The following SPAG16 variants were observed in gnomAD, a reference collection of about 807,000 sequenced individuals.
The protein encoded by SPAG16 is sperm-associated antigen 16 protein.
SPAG16 carries 86 observed loss-of-function variants against 80.4 expected under a neutral mutation model. That is an observed-to-expected ratio of 1.07 (90% CI 0.90 to 1.28). The LOEUF is 1.28. Ranked by LOEUF, SPAG16 falls within the 50% of genes most tolerant of loss-of-function variation. The pLI is 0.00. For synonymous variants in SPAG16, 294 were observed against 265.9 expected (o/e 1.11, Z -1.03); for missense variants, 870 against 765.3 (o/e 1.14, Z -1.61).
At chr2:213,388,931 G>A (rs1299310593) in intron 9 of SPAG16, among the ~76,000 whole-genome samples, 3 of 151,972 alleles carry the variant, frequency 2.0e-5, no homozygotes, top group Non-Finnish European at 4.4e-5. Flanking sequence ...CCTAAGTTTC[G>A]TATAGTCTCA....
intron 12 of SPAG16, among the ~76,000 whole-genome samples, chr2:213,962,823 G>C (rs911657511): frequency 3.3e-5 from 5 of 152,140 alleles, no homozygotes; most frequent in Non-Finnish European, 7.4e-5. Context: ...TTTAATCTAA[G>C]TTGTCTATCA....
chr2:213,678,895 A>T (rs2064236297), intron 10 of SPAG16, among the ~76,000 whole-genome samples: 1 of 152,146 alleles, frequency 6.6e-6, no homozygotes. Flanking sequence ...CATCCTGGCA[A>T]TGCTTGTGTT....
intron 7 of SPAG16, among the ~76,000 whole-genome samples, chr2:213,351,833 G>A (rs1272938416): frequency 6.6e-6 from 1 of 152,068 alleles, no homozygotes; most frequent in Non-Finnish European, 1.5e-5. Context: ...TGTTTTGAAT[G>A]TTTGAATTTT....
chr2:213,693,655 TA>T (rs1559381763), intron 10 of SPAG16, among the ~76,000 whole-genome samples: 2 of 152,224 alleles, frequency 1.3e-5, no homozygotes, highest in Non-Finnish European at 2.9e-5. Context: ...AACTAGGTAC[TA>T]AGTCAAGTCA....
At chr2:214,015,423 A>G (rs866771847) in intron 13 of SPAG16, among the ~76,000 whole-genome samples, 21 of 151,710 alleles carry the variant, frequency 1.4e-4, no homozygotes, top group Non-Finnish European at 2.5e-4. Context: ...ACATGGTGAA[A>G]CCCCATCTCT....
chr2:213,803,007 G>A (rs375026843), intron 10 of SPAG16, among the ~76,000 whole-genome samples: 6 of 152,182 alleles, frequency 3.9e-5, no homozygotes, highest in African/African-American at 9.6e-5. Flanking sequence ...GGCAGTGTAC[G>A]TAGGAATCTT....
At chr2:213,584,387 A>G (rs1163877573) in intron 10 of SPAG16, among the ~76,000 whole-genome samples, 2 of 152,180 alleles carry the variant, frequency 1.3e-5, no homozygotes, top group Non-Finnish European at 2.9e-5. Flanking sequence ...TGGGAAAACA[A>G]TGGTGACATT....
intron 10 of SPAG16, among the ~76,000 whole-genome samples, chr2:213,645,395 C>T (rs776319975): frequency 3.3e-5 from 5 of 152,144 alleles, no homozygotes; most frequent in Non-Finnish European, 4.4e-5. Context: ...GTGTCTCACC[C>T]AAAGCCCTTG....
At chr2:213,373,645 C>A (rs1162162256) in intron 8 of SPAG16, among the ~76,000 whole-genome samples, 1 of 152,064 alleles carries the variant, frequency 6.6e-6, no homozygotes, top group African/African-American at 2.4e-5. Context: ...TGCTTATATT[C>A]CTGGAATTAT....
chr2:213,375,855 G>A (rs1485029928), intron 9 of SPAG16, among the ~76,000 whole-genome samples: 1 of 151,372 alleles, frequency 6.6e-6, no homozygotes, highest in African/African-American at 2.4e-5. Flanking sequence ...TCAAATAATA[G>A]CATTTACTTA....
At chr2:214,302,742 C>T (rs1476349614) in intron 15 of SPAG16, among the ~76,000 whole-genome samples, 2 of 152,158 alleles carry the variant, frequency 1.3e-5, no homozygotes, top group East Asian at 1.9e-4. Context: ...CTCAGCCTCC[C>T]GAAGTGCTGG....
intron 10 of SPAG16, among the ~76,000 whole-genome samples, chr2:213,716,687 C>T (rs923892333): frequency 6.6e-6 from 1 of 152,166 alleles, no homozygotes; most frequent in Non-Finnish European, 1.5e-5. Context: ...TCAAGTTTAG[C>T]CGTATACAAC....
chr2:214,266,211 G>A (rs1339640310), intron 15 of SPAG16, among the ~76,000 whole-genome samples: 1 of 151,838 alleles, frequency 6.6e-6, no homozygotes, highest in Non-Finnish European at 1.5e-5. Context: ...TAGCGAAGAG[G>A]CAGCAACATT....
chr2:214,352,317 T>C (rs1407186417), intron 15 of SPAG16, among the ~76,000 whole-genome samples: 1 of 152,236 alleles, frequency 6.6e-6, no homozygotes, highest in Non-Finnish European at 1.5e-5. Context: ...TTCAAAGTTT[T>C]GATTTTAATG....
rs888186892 is a variant in SPAG16 at position 213,977,806 on chromosome 2, G to A, written c.1401-36145G>A. ...ACTGTTCTTTTCAATTAAAACTGGC[G>A]ATTCTGGTGACATAATCTGCATACA... On this transcript the variant is annotated intron_variant, in intron 12 of 15. Transcript: ENST00000331683. Among the ~76,000 whole-genome samples the A allele has an allele frequency of 3.9e-5, 6 of 151,970 alleles. 1 individual carries two copies. Among genetic ancestry groups the A allele is most frequent in the Non-Finnish European group, 5.9e-5 (4 of 67,980 alleles).
chr2:214,012,802 CA>C (rs199835024), intron 12 of SPAG16, among the ~76,000 whole-genome samples: 1 of 151,540 alleles, frequency 6.6e-6, no homozygotes, highest in Admixed American at 6.6e-5. Flanking sequence ...CGTAAAATGG[CA>C]AAAAAAACAC....
At chr2:213,561,544 C>T (rs2059598253) in intron 10 of SPAG16, among the ~76,000 whole-genome samples, 1 of 152,102 alleles carries the variant, frequency 6.6e-6, no homozygotes, top group Non-Finnish European at 1.5e-5. Flanking sequence ...TAAATGTATA[C>T]ACCTACTATG....
At chr2:213,589,657 C>T (rs1648859024) in intron 10 of SPAG16, among the ~76,000 whole-genome samples, 1 of 152,124 alleles carries the variant, frequency 6.6e-6, no homozygotes, top group Admixed American at 6.5e-5. Context: ...CGTGATGGCT[C>T]ACACCTGTAA....
In SPAG16 at chr2:213,472,168, C is replaced by A. The variant is rs927696873; in HGVS notation, c.943-17795C>A. 2.6e-5 allele frequency among the ~76,000 whole-genome samples: 4 copies of A among 152,096 alleles called. No individual in the cohort carries two copies. The South Asian group carries it at 8.3e-4, about 32-fold the overall frequency. On this transcript the variant is annotated intron_variant, in intron 9 of 15. Coordinates refer to ENST00000331683, the MANE Select transcript of SPAG16 (RefSeq NM_024532.5). ...GACACAAAGCTGGAGAGTTGATATA[C>A]CCCTGAGGTAGGACAGTAAAGGTAT...
Sources: allele counts gnomAD v4.1 joint callset (sites outside exome capture counted in the v4.1 genomes callset), GRCh38; gene constraint gnomAD v4.1.1; transcripts MANE v1.5; gene names NCBI Gene and HGNC (gene_info 2026-07-23, HGNC 2026-07-21).